Variants in NR3C1 observed in about 807,000 individuals in gnomAD.
NR3C1 encodes glucocorticoid receptor.
NR3C1 carries 14 observed loss-of-function variants against 74.0 expected under a neutral mutation model. The ratio of observed to expected loss-of-function variants is 0.19; its 90% CI spans 0.12 to 0.30. NR3C1 has a LOEUF of 0.30. NR3C1 is among the 10% of genes least tolerant of loss of function. The probability of loss-of-function intolerance (pLI) is 1.00; values close to 1 mark genes in which losing one functional copy is unlikely to be tolerated. For missense variants in NR3C1, 695 were observed against 909.8 expected (o/e 0.76, Z 3.04); for synonymous variants, 308 against 332.5 (o/e 0.93, Z 0.80).
chr5:143,343,559 C>A (rs1200906999), intron 2 of NR3C1, among the ~76,000 whole-genome samples: 1 of 152,196 alleles, frequency 6.6e-6, no homozygotes, highest in Non-Finnish European at 1.5e-5. Context: ...AAATTATCTG[C>A]ACAATTTCAT....
intron 2 of NR3C1, among the ~76,000 whole-genome samples, chr5:143,354,833 G>C (rs558402414): frequency 6.6e-6 from 1 of 151,738 alleles, no homozygotes; most frequent in Admixed American, 6.6e-5. Context: ...TGAGGCAGGA[G>C]GATTGCTTGA....
rs572918667 is a variant in NR3C1, at chr5:143,365,249, C to A, written c.1184+34407G>T. Among the ~76,000 whole-genome samples the A allele has an allele frequency of 3.3e-5, 5 of 152,192 alleles. No individual in the cohort carries two copies. The South Asian group carries it at 8.3e-4, about 25-fold the overall frequency. On this transcript the variant is annotated intron_variant, in intron 2 of 8. Coordinates refer to ENST00000394464, the MANE Select transcript of NR3C1 (RefSeq NM_000176.3). ...ACATTAAATGTCAATGGTTTAAACT[C>A]CCCAAATAAAAAGCAAAGATTGGCA...
chr5:143,311,613 AT>A (rs1820953067), intron 3 of NR3C1, among the ~76,000 whole-genome samples: 1 of 152,084 alleles, frequency 6.6e-6, no homozygotes, highest in Non-Finnish European at 1.5e-5. Context: ...ACTAATAGTC[AT>A]TTCCTGTCAA....
At chr5:143,292,554 C>CCAGA (rs1006255867) in intron 7 of NR3C1, among the ~76,000 whole-genome samples, 1 of 152,100 alleles carries the variant, frequency 6.6e-6, no homozygotes, top group African/African-American at 2.4e-5. Context: ...TCTACTCCTA[C>CCAGA]CAGAAAAAGG....
intron 2 of NR3C1, among the ~76,000 whole-genome samples, chr5:143,317,752 T>TA (rs1213992317): frequency 6.6e-6 from 1 of 152,154 alleles, no homozygotes; most frequent in Non-Finnish European, 1.5e-5. Flanking sequence ...GAGAAGCATG[T>TA]AAAATGTGCA....
chr5:143,327,562 C>T (rs143808594), intron 2 of NR3C1, among the ~76,000 whole-genome samples: 215 of 152,314 alleles, frequency 1.4e-3, no homozygotes, highest in African/African-American at 4.8e-3. Context: ...GTCCCTTCCA[C>T]GTATGAGCCT....
intron 2 of NR3C1, among the ~76,000 whole-genome samples, chr5:143,384,716 G>C (rs1836857416): frequency 6.6e-6 from 1 of 152,238 alleles, no homozygotes. Flanking sequence ...GCTCTGCCCT[G>C]GTGGCTCTGC....
At chr5:143,347,477 T>G (rs1242775941) in intron 2 of NR3C1, among the ~76,000 whole-genome samples, 1 of 152,196 alleles carries the variant, frequency 6.6e-6, no homozygotes, top group African/African-American at 2.4e-5. Context: ...AAGGCCCCCT[T>G]CCTCTGTAAA....
chr5:143,318,453 T>C (rs1219140225), intron 2 of NR3C1, among the ~76,000 whole-genome samples: 3 of 152,174 alleles, frequency 2.0e-5, no homozygotes, highest in Non-Finnish European at 4.4e-5. Flanking sequence ...ATTAGTCATC[T>C]GGAAAATACT....
intron 4 of NR3C1, among the ~76,000 whole-genome samples, chr5:143,306,279 A>T (rs973999758): frequency 3.3e-5 from 5 of 152,208 alleles, no homozygotes; most frequent in African/African-American, 9.6e-5. Context: ...AGACTTGGGC[A>T]AAGTTATTCT....
At chr5:143,303,304 T>C (rs943641724) in intron 4 of NR3C1, among the ~76,000 whole-genome samples, 15 of 151,080 alleles carry the variant, frequency 9.9e-5, no homozygotes, top group Admixed American at 5.3e-4. Flanking sequence ...CTGACCCCCG[T>C]ATATATAAAG....
intron 1 of NR3C1, chr5:143,402,881 T>G (rs1436097651): frequency 1.0e-6 from 1 of 962,356 alleles, no homozygotes; most frequent in East Asian, 1.1e-4. Flanking sequence ...AAGGGGACAC[T>G]AGGGGGAGAA....
At chr5:143,430,590 A>G (rs1197650594) in intron 1 of NR3C1, among the ~76,000 whole-genome samples, 3 of 152,196 alleles carry the variant, frequency 2.0e-5, no homozygotes, top group African/African-American at 7.2e-5. Flanking sequence ...GAATGGGATT[A>G]GTGCCCTTAT....
At chr5:143,375,972 T>G (rs1302296387) in intron 2 of NR3C1, 3 of 152,226 alleles carry the variant, frequency 2.0e-5, no homozygotes, top group Non-Finnish European at 2.9e-5. Context: ...TAAACTAATA[T>G]GCTAACAGGC....
At chr5:143,373,313 T>A (rs1478564020) in intron 2 of NR3C1, among the ~76,000 whole-genome samples, 1 of 152,194 alleles carries the variant, frequency 6.6e-6, no homozygotes, top group Admixed American at 6.5e-5. Flanking sequence ...ACAATCCAAG[T>A]GTCCACTAAC....
chr5:143,325,088 T>A (rs1295477436), intron 2 of NR3C1, among the ~76,000 whole-genome samples: 1 of 152,198 alleles, frequency 6.6e-6, no homozygotes, highest in East Asian at 1.9e-4. Flanking sequence ...CGCTTCCACA[T>A]TTTTGGGTAT....
intron 2 of NR3C1, among the ~76,000 whole-genome samples, chr5:143,373,586 A>G (rs995524115): frequency 3.3e-5 from 5 of 152,186 alleles, no homozygotes; most frequent in African/African-American, 1.2e-4. Context: ...CGTTGTGCAC[A>G]TGTACCCTAG....
At chr5:143,301,887 T>A (rs1818556148) in intron 4 of NR3C1, among the ~76,000 whole-genome samples, 1 of 152,092 alleles carries the variant, frequency 6.6e-6, no homozygotes, top group African/African-American at 2.4e-5. Flanking sequence ...ATGTACAATG[T>A]TAGAATAGAA....
chr5:143,364,878 G>GTT (rs1832921231), intron 2 of NR3C1, among the ~76,000 whole-genome samples: 1 of 151,810 alleles, frequency 6.6e-6, no homozygotes, highest in African/African-American at 2.4e-5. Flanking sequence ...GCTAATTTTT[G>GTT]TATTTTTTTG....
Sources: allele counts gnomAD v4.1 joint callset (sites outside exome capture counted in the v4.1 genomes callset), GRCh38; gene constraint gnomAD v4.1.1; transcripts MANE v1.5; gene names NCBI Gene and HGNC (gene_info 2026-07-23, HGNC 2026-07-21).